SYN3: variants seen among roughly 807,000 people sequenced by gnomAD.
SYN3 encodes the protein synapsin III.
SYN3 carries 35 observed loss-of-function variants against 65.8 expected under a neutral mutation model. The ratio of observed to expected loss-of-function variants is 0.53; its 90% CI spans 0.41 to 0.70. The LOEUF (loss-of-function observed/expected upper bound fraction) is 0.70. SYN3 is among the 30% of genes least tolerant of loss of function. The pLI is 0.00. For synonymous variants in SYN3, 270 were observed against 292.9 expected (o/e 0.92, Z 0.80); for missense variants, 680 against 749.0 (o/e 0.91, Z 1.08).
intron 4 of SYN3, among the ~76,000 whole-genome samples, chr22:32,926,019 T>C (rs535919727): frequency 6.6e-6 from 1 of 152,180 alleles, no homozygotes; most frequent in Admixed American, 6.5e-5. Flanking sequence ...ACCTGGATAA[T>C]TTTTGCATTT....
intron 1 of SYN3, among the ~76,000 whole-genome samples, chr22:33,039,599 T>C (rs1376706213): frequency 6.6e-6 from 1 of 152,180 alleles, no homozygotes; most frequent in African/African-American, 2.4e-5. Context: ...TTTCATCATG[T>C]TGGCCAGGCT....
At chr22:32,887,193 A>G (rs2049317391) in intron 4 of SYN3, among the ~76,000 whole-genome samples, 1 of 152,128 alleles carries the variant, frequency 6.6e-6, no homozygotes, top group African/African-American at 2.4e-5. Flanking sequence ...CCTGGGCAAC[A>G]TAGTGAGACC....
At chr22:32,931,538 G>T in intron 3 of SYN3, 57 bp from the exon 4 acceptor site, 2 of 1,214,318 alleles carry the variant, frequency 1.6e-6, no homozygotes, top group Admixed American at 1.7e-5. Context: ...TGGTAACAAC[G>T]GTTAACACAT....
chr22:32,980,827 C>T (rs2052350034), intron 2 of SYN3, 125 bp from the exon 3 acceptor site: 4 of 757,862 alleles, frequency 5.3e-6, no homozygotes, highest in African/African-American at 1.8e-5. Context: ...ACTGTCTCCT[C>T]CCACCTTCAC....
rs1424374677 is a variant in SYN3, at chr22:32,955,444, G to A, written c.370-23963C>T. On this transcript the variant is annotated intron_variant, in intron 3 of 13. Transcript: ENST00000358763. ...AATACAGTGAGGGCATGAGCCATGC[G>A]GACACCTGGGGGATGAGGGGCCCAG... 3.9e-5 allele frequency among the ~76,000 whole-genome samples: 6 copies of A among 152,182 alleles called. 1 individual carries two copies. The highest frequency in any genetic ancestry group is 6.5e-5 in the Admixed American group (1 of 15,282).
At chr22:32,710,075 G>A (rs200885907) in intron 6 of SYN3, among the ~76,000 whole-genome samples, 1 of 131,376 alleles carries the variant, frequency 7.6e-6, no homozygotes, top group Admixed American at 7.3e-5. Flanking sequence ...ATATATATAT[G>A]CACACACACA....
rs1569360703 is a variant in SYN3 at position 32,962,893 on chromosome 22, AT to A, written c.369+17751del. Among the ~76,000 whole-genome samples, 3 of 150,326 alleles carry A rather than the reference AT, an allele frequency of 2.0e-5. No homozygotes were observed. The East Asian group carries it at 5.9e-4, about 29-fold the overall frequency. On this transcript the variant is annotated intron_variant, in intron 3 of 13. Transcript: ENST00000358763. ...CCTACTTATCTACCTATCTCTCTCT[AT>A]ATATATATAAATATTTATCTATCAA...
intron 3 of SYN3, among the ~76,000 whole-genome samples, chr22:32,959,975 A>G (rs2051596988): frequency 6.6e-6 from 1 of 152,218 alleles, no homozygotes; most frequent in African/African-American, 2.4e-5. Context: ...TAATTTTTTA[A>G]TCTGCTTAAA....
intron 6 of SYN3, among the ~76,000 whole-genome samples, chr22:32,760,720 T>C (rs1341789683): frequency 3.3e-5 from 5 of 152,032 alleles, no homozygotes; most frequent in African/African-American, 9.7e-5. Context: ...AGGGGCGGTG[T>C]AAAGACAGAC....
At chr22:32,903,915 T>C (rs923489678) in intron 4 of SYN3, among the ~76,000 whole-genome samples, 1 of 152,242 alleles carries the variant, frequency 6.6e-6, no homozygotes, top group Non-Finnish European at 1.5e-5. Context: ...TTGCACCTAC[T>C]ATGTATTGGG....
intron 6 of SYN3, among the ~76,000 whole-genome samples, chr22:32,807,852 A>G (rs1000904080): frequency 6.6e-6 from 1 of 152,080 alleles, no homozygotes; most frequent in African/African-American, 2.4e-5. Flanking sequence ...CTGTGTTAAC[A>G]CAGTTCTTTT....
At chr22:32,678,465 C>T (rs755412919) in intron 6 of SYN3, among the ~76,000 whole-genome samples, 264 of 152,282 alleles carry the variant, frequency 1.7e-3, no homozygotes, top group Non-Finnish European at 2.9e-3. Flanking sequence ...AAACTCTAAC[C>T]ACATATCTGT....
chr22:32,581,793 T>TTTC (rs1491500366), intron 7 of SYN3, among the ~76,000 whole-genome samples: 3 of 90,584 alleles, frequency 3.3e-5, no homozygotes, highest in African/African-American at 1.4e-4. Flanking sequence ...TCTTTCTTTC[T>TTTC]TTTTTTTTTT....
intron 6 of SYN3, among the ~76,000 whole-genome samples, chr22:32,632,964 A>G (rs1034611888): frequency 4.6e-5 from 7 of 152,358 alleles, no homozygotes; most frequent in Middle Eastern, 3.4e-3. Flanking sequence ...GAATTTATAT[A>G]GTGGTCAAGC....
intron 12 of SYN3, among the ~76,000 whole-genome samples, chr22:32,520,329 G>T (rs1342883742): frequency 6.6e-6 from 1 of 151,388 alleles, no homozygotes; most frequent in Admixed American, 6.6e-5. Context: ...TAGAGATGGG[G>T]TGTCGCTGTG....
chr22:32,815,233 G>A (rs2047057590), intron 6 of SYN3, among the ~76,000 whole-genome samples: 1 of 152,216 alleles, frequency 6.6e-6, no homozygotes, highest in Admixed American at 6.5e-5. Context: ...AAGGCTCAGA[G>A]GCTACTGACA....
At chr22:33,011,632 G>C (rs765407573) in intron 1 of SYN3, among the ~76,000 whole-genome samples, 15 of 152,128 alleles carry the variant, frequency 9.9e-5, no homozygotes, top group Non-Finnish European at 1.9e-4. Flanking sequence ...TTTTCTGAAA[G>C]AGTCTGTGTA....
intron 2 of SYN3, among the ~76,000 whole-genome samples, chr22:33,000,478 G>A (rs133939): frequency 0.069 from 10,435 of 152,222 alleles, 432 homozygotes; most frequent in Middle Eastern, 0.2. Flanking sequence ...CTGACTCAGA[G>A]TCTACAAGCT....
rs759694221 is a variant in SYN3, at chr22:32,528,861, G to T, written c.1230+13C>A. 6.2e-7 allele frequency: 1 copy of T among 1,614,058 alleles called. No individual in the cohort carries two copies. The highest frequency in any genetic ancestry group is 8.5e-7 in the Non-Finnish European group (1 of 1,180,000). ...CATGGCTATAAAGTCTCCTTTGATC[G>T]TGAGGGTCTTACCCAAGGTCTGAGG... On this transcript the variant is annotated intron_variant, in intron 11 of 13. Transcript: ENST00000358763.
Sources: gnomAD v4.1 joint callset for allele counts (sites outside exome capture counted in the v4.1 genomes callset) on GRCh38, gnomAD v4.1.1 for gene constraint, MANE v1.5 for transcripts, NCBI Gene and HGNC (gene_info 2026-07-23, HGNC 2026-07-21) for gene names.